Variants in ZSWIM5 observed in about 807,000 individuals in gnomAD.
ZSWIM5 encodes zinc finger SWIM domain-containing protein 5.
A neutral mutation model predicts 119.6 loss-of-function variants in ZSWIM5; 55 were observed. That is an observed-to-expected ratio of 0.46 (90% confidence interval 0.37 to 0.58). The LOEUF is 0.58. ZSWIM5 is among the 20% of genes least tolerant of loss of function. ZSWIM5 has a pLI of 0.00. For synonymous variants in ZSWIM5, 537 were observed against 606.9 expected (o/e 0.88, Z 1.69); for missense variants, 1,193 against 1,512.8 (o/e 0.79, Z 3.51).
intron 2 of ZSWIM5, among the ~76,000 whole-genome samples, chr1:45,086,757 T>C (rs1478537162): frequency 6.6e-6 from 1 of 151,978 alleles, no homozygotes; most frequent in Non-Finnish European, 1.5e-5. Context: ...CTCGTGCACA[T>C]GTACCCCAGA....
intron 1 of ZSWIM5, among the ~76,000 whole-genome samples, chr1:45,127,647 C>T (rs2149029473): frequency 6.6e-6 from 1 of 151,976 alleles, no homozygotes. Flanking sequence ...CTTTGTTGCC[C>T]AGGCTGGTCT....
Position 45,198,629 on chromosome 1 carries a change from T to G in ZSWIM5, c.595+7127A>C, listed in dbSNP as rs1646140116. ...CAAACAAGGGCAATTCTATAAGAGT[T>G]TTGATGAGAAATCATTAGGCATCCA... On this transcript the variant is annotated intron_variant, in intron 1 of 13. Transcript: ENST00000359600. Among the ~76,000 whole-genome samples, 4 of 152,300 alleles carry G rather than the reference T, an allele frequency of 2.6e-5. No individual in the cohort carries two copies. The South Asian group carries it at 8.3e-4, about 32-fold the overall frequency.
chr1:45,144,495 T>A (rs346716), intron 1 of ZSWIM5, among the ~76,000 whole-genome samples: 2 of 152,062 alleles, frequency 1.3e-5, no homozygotes, highest in Non-Finnish European at 2.9e-5. Context: ...ATGATCGTGC[T>A]ACTGGACTCT....
At chr1:45,035,858 T>C in intron 9 of ZSWIM5, 35 bp from the exon 10 acceptor site, 1 of 1,608,310 alleles carries the variant, frequency 6.2e-7, no homozygotes, top group Non-Finnish European at 8.5e-7. Context: ...TATTTATCTG[T>C]ATGCTTCCAT....
chr1:45,094,425 T>C (rs947406955), intron 1 of ZSWIM5, among the ~76,000 whole-genome samples: 2 of 151,822 alleles, frequency 1.3e-5, no homozygotes, highest in African/African-American at 4.8e-5. Context: ...TCTCAAACTC[T>C]GGGGCTCAGA....
intron 11 of ZSWIM5, among the ~76,000 whole-genome samples, chr1:45,030,429 T>G (rs1162901246): frequency 6.6e-6 from 1 of 150,930 alleles, no homozygotes; most frequent in Admixed American, 6.6e-5. Flanking sequence ...GTATTTTTAG[T>G]ACAGACAGGG....
intron 2 of ZSWIM5, among the ~76,000 whole-genome samples, chr1:45,070,625 TTTA>T (rs1194150679): frequency 6.6e-6 from 1 of 152,240 alleles, no homozygotes; most frequent in East Asian, 1.9e-4. Flanking sequence ...TTTTCAAAGT[TTTA>T]TTCTTTCTGC....
At chr1:45,089,231 C>G (rs1645349332) in intron 1 of ZSWIM5, among the ~76,000 whole-genome samples, 1 of 152,212 alleles carries the variant, frequency 6.6e-6, no homozygotes, top group Admixed American at 6.5e-5. Flanking sequence ...TCCGCTTTGG[C>G]TCAGCCTCCC....
chr1:45,100,114 G>T (rs1324349105), intron 1 of ZSWIM5, among the ~76,000 whole-genome samples: 1 of 152,186 alleles, frequency 6.6e-6, no homozygotes, highest in Non-Finnish European at 1.5e-5. Flanking sequence ...AATTGTCCCT[G>T]TTTGCAGATG....
At chr1:45,112,598 G>A (rs1195574308) in intron 1 of ZSWIM5, among the ~76,000 whole-genome samples, 2 of 152,168 alleles carry the variant, frequency 1.3e-5, no homozygotes, top group Non-Finnish European at 2.9e-5. Context: ...CTCCTGATTG[G>A]TAAGAACTGG....
At chr1:45,119,068 C>T (rs1158910953) in intron 1 of ZSWIM5, among the ~76,000 whole-genome samples, 1 of 152,208 alleles carries the variant, frequency 6.6e-6, no homozygotes, top group Non-Finnish European at 1.5e-5. Flanking sequence ...AAAGAGATGA[C>T]ATTTTAACTG....
At chr1:45,048,228 C>T (rs1645069307) in intron 5 of ZSWIM5, among the ~76,000 whole-genome samples, 1 of 151,610 alleles carries the variant, frequency 6.6e-6, no homozygotes, top group African/African-American at 2.4e-5. Context: ...TTTGTAGAGA[C>T]AGGATTTCAC....
chr1:45,061,543 G>A (rs1645152132), intron 2 of ZSWIM5, among the ~76,000 whole-genome samples: 1 of 151,314 alleles, frequency 6.6e-6, no homozygotes, highest in Admixed American at 6.6e-5. Context: ...GCTAATTTTT[G>A]TATTTTTGGC....
chr1:45,098,490 G>A (rs761993805), intron 1 of ZSWIM5, among the ~76,000 whole-genome samples: 9 of 152,052 alleles, frequency 5.9e-5, no homozygotes, highest in Non-Finnish European at 1.0e-4. Flanking sequence ...TTTCCAATGG[G>A]GAAATAATAT....
chr1:45,129,430 T>C (rs1373057188), intron 1 of ZSWIM5, among the ~76,000 whole-genome samples: 2 of 152,176 alleles, frequency 1.3e-5, no homozygotes, highest in African/African-American at 4.8e-5. Context: ...GTGCTGGGAT[T>C]ACAGGCGTGA....
At chr1:45,160,531 T>C (rs1570164421) in intron 1 of ZSWIM5, among the ~76,000 whole-genome samples, 1 of 152,190 alleles carries the variant, frequency 6.6e-6, no homozygotes, top group Admixed American at 6.5e-5. Context: ...ATGTGGTATC[T>C]GTCTTTCTGT....
intron 4 of ZSWIM5, among the ~76,000 whole-genome samples, chr1:45,055,757 AAGG>A (rs1645117919): frequency 1.3e-5 from 2 of 152,362 alleles, no homozygotes; most frequent in Admixed American, 1.3e-4. Flanking sequence ...GAAGTCTGCA[AAGG>A]AGACTGAGTG....
intron 1 of ZSWIM5, among the ~76,000 whole-genome samples, chr1:45,132,677 T>C (rs912241026): frequency 7.9e-5 from 12 of 152,178 alleles, no homozygotes; most frequent in African/African-American, 2.4e-4. Context: ...GTTTGTTACA[T>C]ATGTATACAT....
intron 1 of ZSWIM5, among the ~76,000 whole-genome samples, chr1:45,129,380 A>T (rs1645641131): frequency 6.6e-6 from 1 of 151,636 alleles, no homozygotes; most frequent in South Asian, 2.1e-4. Flanking sequence ...GATGGTCTCG[A>T]TATCCTGACC....
Sources: allele counts gnomAD v4.1 joint callset (sites outside exome capture counted in the v4.1 genomes callset), GRCh38; gene constraint gnomAD v4.1.1; transcripts MANE v1.5; gene names NCBI Gene and HGNC (gene_info 2026-07-23, HGNC 2026-07-21).